Variants in MDFIC observed in about 807,000 individuals in gnomAD.
MDFIC encodes the protein MyoD family inhibitor domain containing.
In MDFIC, 17 loss-of-function variants were observed where a neutral mutation model predicts 23.2. That is an observed-to-expected ratio of 0.73 (90% CI 0.50 to 1.10). The LOEUF is 1.10. MDFIC is among the 50% of genes least tolerant of loss of function. The pLI is 0.00. For synonymous variants in MDFIC, 120 were observed against 115.2 expected (o/e 1.04, Z -0.27); for missense variants, 356 against 316.6 (o/e 1.12, Z -0.95).
intron 2 of MDFIC, among the ~76,000 whole-genome samples, chr7:114,939,520 A>G (rs187168894): frequency 6.6e-6 from 1 of 152,310 alleles, no homozygotes; most frequent in Non-Finnish European, 1.5e-5. Flanking sequence ...GCAGATAAGG[A>G]AACTTTCTTA....
At chr7:115,014,469 G>A (rs557778463) in intron 4 of MDFIC, 17 of 1,289,750 alleles carry the variant, frequency 1.3e-5, no homozygotes, top group Non-Finnish European at 1.7e-5. Context: ...TCAGTTTGCT[G>A]ACACTCCATC....
intron 3 of MDFIC, among the ~76,000 whole-genome samples, chr7:114,969,426 T>A (rs1793162548): frequency 6.6e-6 from 1 of 152,178 alleles, no homozygotes; most frequent in African/African-American, 2.4e-5. Context: ...TGTCAGCATA[T>A]ATGTGTCTGA....
chr7:114,948,457 C>T (rs191282879), intron 3 of MDFIC, among the ~76,000 whole-genome samples: 3 of 151,810 alleles, frequency 2.0e-5, no homozygotes, highest in Non-Finnish European at 2.9e-5. Context: ...TTTTTGCATC[C>T]GATGTTCCTT....
chr7:114,932,666 T>A (rs1792336381), intron 2 of MDFIC, among the ~76,000 whole-genome samples: 1 of 152,186 alleles, frequency 6.6e-6, no homozygotes, highest in African/African-American at 2.4e-5. Context: ...GCAAAGATGG[T>A]AGAGCCAAAA....
intron 4 of MDFIC, among the ~76,000 whole-genome samples, chr7:115,012,051 AAAC>A (rs1791693751): frequency 6.6e-6 from 1 of 152,198 alleles, no homozygotes; most frequent in African/African-American, 2.4e-5. Flanking sequence ...CAGTGTTATC[AAAC>A]AAGATTTAAT....
intron 1 of MDFIC, 47 bp downstream of exon 1, chr7:114,922,683 T>A: frequency 7.4e-7 from 1 of 1,343,614 alleles, no homozygotes; most frequent in South Asian, 2.0e-5. Context: ...TTGATCCCCA[T>A]CCCCGGGGTT....
intron 3 of MDFIC, among the ~76,000 whole-genome samples, chr7:114,957,449 T>C (rs1350344466): frequency 1.3e-5 from 2 of 152,168 alleles, no homozygotes; most frequent in African/African-American, 2.4e-5. Flanking sequence ...AGTTTGTTCT[T>C]GGCATAAAGC....
intron 3 of MDFIC, among the ~76,000 whole-genome samples, chr7:114,955,784 T>G (rs745380345): frequency 2.0e-5 from 3 of 152,218 alleles, no homozygotes; most frequent in Non-Finnish European, 4.4e-5. Flanking sequence ...CAGTCCGCAG[T>G]TCATGCATAT....
intron 4 of MDFIC, among the ~76,000 whole-genome samples, chr7:115,001,384 C>G (rs892691443): frequency 6.6e-6 from 1 of 152,146 alleles, no homozygotes; most frequent in South Asian, 2.1e-4. Flanking sequence ...AATACTATCA[C>G]CATAACATAA....
At chr7:114,969,591 T>A (rs1255662574) in intron 3 of MDFIC, among the ~76,000 whole-genome samples, 2 of 152,154 alleles carry the variant, frequency 1.3e-5, no homozygotes, top group African/African-American at 4.8e-5. Flanking sequence ...TTCATGTCAG[T>A]AAATTGAGGT....
At chr7:114,984,952 A>G (rs1358098471) in intron 4 of MDFIC, among the ~76,000 whole-genome samples, 1 of 152,212 alleles carries the variant, frequency 6.6e-6, no homozygotes, top group African/African-American at 2.4e-5. Context: ...CAGTCCTAGT[A>G]TATCATTGAA....
At chr7:114,971,976 G>C (rs543895661) in intron 3 of MDFIC, among the ~76,000 whole-genome samples, 1 of 152,152 alleles carries the variant, frequency 6.6e-6, no homozygotes, top group African/African-American at 2.4e-5. Context: ...AAAAACAAAA[G>C]ACAAATAGTA....
chr7:114,942,466 TG>T (rs1792563428), intron 3 of MDFIC, 69 bp downstream of exon 3: 3 of 1,209,228 alleles, frequency 2.5e-6, no homozygotes, highest in Admixed American at 5.4e-5. Context: ...CTTCGTTAAT[TG>T]CCCCAGATAA....
intron 4 of MDFIC, 132 bp downstream of exon 4, chr7:114,979,913 C>T: frequency 9.0e-7 from 1 of 1,117,104 alleles, no homozygotes; most frequent in African/African-American, 1.5e-5. Context: ...TGGTAAAATG[C>T]AGATTAACTT....
At chr7:114,994,970 C>T (rs1791289661) in intron 4 of MDFIC, among the ~76,000 whole-genome samples, 1 of 152,204 alleles carries the variant, frequency 6.6e-6, no homozygotes, top group Non-Finnish European at 1.5e-5. Flanking sequence ...TTCTCCCTGT[C>T]ACTTTCAGGT....
chr7:114,964,066 AT>A (rs533564781), intron 3 of MDFIC, among the ~76,000 whole-genome samples: 20 of 152,022 alleles, frequency 1.3e-4, no homozygotes, highest in Admixed American at 1.2e-3. Flanking sequence ...TTATTGTTCT[AT>A]TTTTTTATTA....
intron 3 of MDFIC, among the ~76,000 whole-genome samples, chr7:114,946,614 G>A (rs1257196288): frequency 6.6e-6 from 1 of 152,118 alleles, no homozygotes; most frequent in African/African-American, 2.4e-5. Flanking sequence ...AAGTTAAAAT[G>A]CTCTACTTAA....
intron 4 of MDFIC, among the ~76,000 whole-genome samples, chr7:114,995,283 T>C (rs1184240964): frequency 1.3e-5 from 2 of 152,210 alleles, no homozygotes; most frequent in Non-Finnish European, 2.9e-5. Context: ...TTCTTTGTGA[T>C]GGGTTCGAAC....
At chr7:114,944,454 C>G (rs1431935631) in intron 3 of MDFIC, among the ~76,000 whole-genome samples, 1 of 152,190 alleles carries the variant, frequency 6.6e-6, no homozygotes, top group Non-Finnish European at 1.5e-5. Context: ...ACAAAGTCTA[C>G]TTTGTTGGAT....
Sources: allele counts gnomAD v4.1 joint callset (sites outside exome capture counted in the v4.1 genomes callset), GRCh38; gene constraint gnomAD v4.1.1; transcripts MANE v1.5; gene names NCBI Gene and HGNC (gene_info 2026-07-23, HGNC 2026-07-21).